Variants in TXNRD1 observed in about 807,000 individuals in gnomAD.
TXNRD1 encodes thioredoxin reductase 1, also known as thioredoxin reductase 1, cytoplasmic.
Under a neutral mutation model 80.3 loss-of-function variants are expected in TXNRD1, and 57 were observed. That is an observed-to-expected ratio of 0.71 (90% CI 0.57 to 0.89). The LOEUF (loss-of-function observed/expected upper bound fraction) is 0.89. Among genes scored for constraint, TXNRD1 ranks in the 40% least tolerant of loss-of-function variants. TXNRD1 has a pLI of 0.00. For missense variants in TXNRD1, 730 were observed against 803.0 expected, an observed-to-expected ratio of 0.91 and a Z score of 1.10; for synonymous variants, 291 against 285.2, an observed-to-expected ratio of 1.02 and a Z score of -0.20.
intron 6 of TXNRD1, 95 bp from the exon 7 acceptor site, chr12:104,315,682 A>G (rs2035300259): frequency 7.3e-7 from 1 of 1,371,394 alleles, no homozygotes; most frequent in African/African-American, 1.5e-5. Flanking sequence ...ATAATACAAT[A>G]TTTCTTAGAG....
Position 104,349,251 on chromosome 12 carries a change from G to A in TXNRD1, c.*830G>A, listed in dbSNP as rs2036580604. On this transcript the variant is annotated 3_prime_UTR_variant, in exon 17 of 17. Transcript: ENST00000525566. ...CATATCTTTCTGTCTTTAGTTTATT[G>A]TGTGCTGGTCTAAGCAAGCTGAGAT... 1 of 152,186 alleles carries A rather than the reference G, an allele frequency of 6.6e-6. No homozygotes were observed. The highest frequency in any genetic ancestry group is 1.5e-5 in the Non-Finnish European group (1 of 68,034). 9.4% of individuals were successfully genotyped at this position (152,186 alleles called of 1,614,324 possible).
At chr12:104,345,361 T>C (rs2036455411) in intron 16 of TXNRD1, among the ~76,000 whole-genome samples, 1 of 152,218 alleles carries the variant, frequency 6.6e-6, no homozygotes, top group African/African-American at 2.4e-5. Context: ...GTGACTCACT[T>C]TGGTAAAAAT....
At chr12:104,240,479 A>G (rs1229878380) in intron 1 of TXNRD1, among the ~76,000 whole-genome samples, 1 of 152,236 alleles carries the variant, frequency 6.6e-6, no homozygotes, top group Non-Finnish European at 1.5e-5. Flanking sequence ...AGGTAACAAT[A>G]TGAAAAAAGA....
chr12:104,311,388 C>T lies in TXNRD1; in HGVS notation c.513C>T (p.Gly171=). The T allele has an allele frequency of 6.2e-7, 1 of 1,613,566 alleles. No homozygotes were observed. Among genetic ancestry groups the T allele is most frequent in the South Asian group, 1.1e-5 (1 of 91,010 alleles). The change falls in exon 5 of 17, where the codon GGC becomes GGT. Residue 171 remains glycine, a synonymous_variant. Coordinates refer to ENST00000525566, the MANE Select transcript of TXNRD1 (RefSeq NM_001093771.3). ...YDYDLIIIGG[G]SGGLAAAKEA... ...ATGACCTTATCATCATTGGAGGTGG[C>T]TCAGGAGGTCTGGCAGCTGCTAAGG...
At chr12:104,280,123 G>GTTGTT (rs766777691) in intron 3 of TXNRD1, among the ~76,000 whole-genome samples, 8 of 140,464 alleles carry the variant, frequency 5.7e-5, no homozygotes, top group South Asian at 2.3e-4. Context: ...CTTTCCTATT[G>GTTGTT]TTGTTTTGTT....
chr12:104,223,730 G>C (rs1380356822), intron 1 of TXNRD1, among the ~76,000 whole-genome samples: 2 of 152,214 alleles, frequency 1.3e-5, no homozygotes, highest in Non-Finnish European at 2.9e-5. Flanking sequence ...CTGGGAAAAA[G>C]TGGTAAAAGC....
chr12:104,299,683 C>T lies in TXNRD1; in HGVS notation c.414+10643C>T, dbSNP rs1003635934. Reference sequence around the variant, plus strand: ...TCGGGAGGCTGAGGCAGGAGAATCACTTGAGTCCGGGGGGTGTAGGTTGCA... The same window carrying T: ...TCGGGAGGCTGAGGCAGGAGAATCATTTGAGTCCGGGGGGTGTAGGTTGCA... On this transcript the variant is annotated intron_variant, in intron 4 of 16. Transcript: ENST00000525566. Among the ~76,000 whole-genome samples, 3 of 149,578 alleles carry T rather than the reference C, an allele frequency of 2.0e-5. No homozygotes were observed. In the East Asian group the frequency reaches 5.9e-4, roughly 30 times the overall value.
intron 3 of TXNRD1, among the ~76,000 whole-genome samples, chr12:104,283,371 C>A (rs2033916760): frequency 2.0e-5 from 3 of 152,092 alleles, no homozygotes; most frequent in South Asian, 4.2e-4. Flanking sequence ...CCTGCCTCAA[C>A]CTCCTGAGTA....
At chr12:104,303,971 T>C (rs1235286090) in intron 4 of TXNRD1, 5 of 1,605,062 alleles carry the variant, frequency 3.1e-6, no homozygotes, top group East Asian at 4.5e-5. Context: ...CGCGGGCTGC[T>C]CCGACGACCT....
chr12:104,261,683 T>C lies in TXNRD1; in HGVS notation c.304+3604T>C, dbSNP rs187109667. On this transcript the variant is annotated intron_variant, in intron 3 of 16. Transcript: ENST00000525566. ...ATTAATCCAGAAGCAAATATGGGAA[T>C]CTAGTTGTTTTTTATTAGGACCAAT... Among the ~76,000 whole-genome samples the C allele has an allele frequency of 1.0e-3, 152 of 152,276 alleles. 1 individual carries two copies. Among genetic ancestry groups the C allele is most frequent in the Middle Eastern group, 3.4e-3 (1 of 294 alleles).
At chr12:104,300,584 T>G (rs916418126) in intron 4 of TXNRD1, among the ~76,000 whole-genome samples, 5 of 152,240 alleles carry the variant, frequency 3.3e-5, no homozygotes, top group Non-Finnish European at 7.3e-5. Flanking sequence ...TTAACCGGCA[T>G]GGAAATCCCA....
chr12:104,321,017 T>G, intron 9 of TXNRD1, 74 bp from the exon 10 acceptor site: 2 of 1,027,044 alleles, frequency 1.9e-6, no homozygotes, highest in South Asian at 2.9e-5. Context: ...TAAAAATGTG[T>G]ACTTGGATTT....
At chr12:104,315,508 CAGTT>C (rs971267470) in intron 6 of TXNRD1, among the ~76,000 whole-genome samples, 2 of 152,112 alleles carry the variant, frequency 1.3e-5, no homozygotes, top group Non-Finnish European at 2.9e-5. Context: ...TATCAGCAGT[CAGTT>C]AATTTTGTAT....
At chr12:104,235,722 A>G (rs977001704) in intron 1 of TXNRD1, among the ~76,000 whole-genome samples, 1 of 152,198 alleles carries the variant, frequency 6.6e-6, no homozygotes. Context: ...TTAGGTTAGA[A>G]TGCAGGCCCA....
chr12:104,255,719 G>C (rs572611483), intron 2 of TXNRD1, among the ~76,000 whole-genome samples: 2 of 152,088 alleles, frequency 1.3e-5, no homozygotes, highest in South Asian at 4.1e-4. Context: ...CTTGAACCCG[G>C]GAGGCAGAGG....
rs1565898014 is a variant in TXNRD1, at chr12:104,315,888, A to G, written c.722A>G (p.Glu241Gly). The change falls in exon 7 of 17, where the codon GAG (glutamate) becomes GGG (glycine). Residue 241 changes from glutamate (E) to glycine (G), a missense_variant. Coordinates refer to ENST00000525566, the MANE Select transcript of TXNRD1 (RefSeq NM_001093771.3). ...TCTCGAAATTATGGATGGAAAGTCGAGGAGACAGGTATGAGAGGGAAAAGC... is the reference window on the plus strand; with the variant it reads ...TCTCGAAATTATGGATGGAAAGTCGGGGAGACAGGTATGAGAGGGAAAAGC... Reference protein sequence around the residue: ...QDSRNYGWKVEETVKHDWDRM... With the variant: ...QDSRNYGWKVGETVKHDWDRM... The G allele has an allele frequency of 6.2e-7, 1 of 1,610,698 alleles. No homozygotes were observed. Among genetic ancestry groups the G allele is most frequent in the South Asian group, 1.1e-5 (1 of 90,866 alleles).
intron 5 of TXNRD1, 105 bp downstream of exon 5, chr12:104,311,517 C>A: frequency 7.1e-7 from 1 of 1,411,910 alleles, no homozygotes; most frequent in Non-Finnish European, 9.4e-7. Context: ...ATTTGATCCA[C>A]TCCTGTGACA....
rs10622971 is a variant in TXNRD1 at position 104,245,517 on chromosome 12, C to CAA, written c.92-5986_92-5985dup. ...GGGCAACAAGAGCGAAACTCCATCTCAAAAAAAAAAAAAAAAAAAAAAAAA... is the reference window on the plus strand; with the variant it reads ...GGGCAACAAGAGCGAAACTCCATCTCAAAAAAAAAAAAAAAAAAAAAAAAAAA... On this transcript the variant is annotated intron_variant, in intron 1 of 16. Transcript: ENST00000525566. Among the ~76,000 whole-genome samples the CAA allele has an allele frequency of 1.6e-3, 47 of 29,238 alleles. 7 individuals carry two copies. Among genetic ancestry groups the CAA allele is most frequent in the African/African-American group, 3.1e-3 (31 of 10,084 alleles). 19.2% of individuals were successfully genotyped at this position (29,238 alleles called of 152,430 possible). A position where few individuals can be genotyped will look rare whatever the true frequency, so the allele number is the denominator to read the frequency against.
At chr12:104,270,107 G>T (rs1481838586) in intron 3 of TXNRD1, among the ~76,000 whole-genome samples, 5 of 152,096 alleles carry the variant, frequency 3.3e-5, no homozygotes, top group Admixed American at 2.6e-4. Flanking sequence ...CATAAGGGTT[G>T]GAATCACCTT....
Sources: allele counts gnomAD v4.1 joint callset (sites outside exome capture counted in the v4.1 genomes callset), GRCh38; gene constraint gnomAD v4.1.1; transcripts MANE v1.5; gene names NCBI Gene and HGNC (gene_info 2026-07-23, HGNC 2026-07-21).